The following UNC5D variants were observed in gnomAD, a reference collection of about 807,000 sequenced individuals.
The protein encoded by UNC5D is netrin receptor UNC5D.
In UNC5D, 39 loss-of-function variants were observed where a neutral mutation model predicts 105.4. The observed-to-expected ratio is 0.37, with a 90% CI of 0.29 to 0.48. The LOEUF (loss-of-function observed/expected upper bound fraction) is 0.48, where lower values mean the gene tolerates loss of function less well. Ranked by LOEUF, UNC5D falls within the 20% of genes least tolerant of loss-of-function variation. UNC5D has a pLI of 0.98. For missense variants in UNC5D, 991 were observed against 1,202.4 expected, an observed-to-expected ratio of 0.82 and a Z score of 2.60; for synonymous variants, 452 against 450.4, an observed-to-expected ratio of 1.00 and a Z score of -0.04.
intron 2 of UNC5D, among the ~76,000 whole-genome samples, chr8:35,555,753 A>G (rs559815539): frequency 6.6e-6 from 1 of 151,784 alleles, no homozygotes; most frequent in Non-Finnish European, 1.5e-5. Context: ...TTGAACCCGA[A>G]AGGTAGAGGT....
intron 6 of UNC5D, among the ~76,000 whole-genome samples, chr8:35,685,495 A>G (rs1825947656): frequency 6.6e-6 from 1 of 152,126 alleles, no homozygotes; most frequent in Non-Finnish European, 1.5e-5. Context: ...ACTGGACTAG[A>G]GTCTCATGTC....
intron 1 of UNC5D, among the ~76,000 whole-genome samples, chr8:35,486,847 T>C (rs1810853488): frequency 6.6e-6 from 1 of 152,186 alleles, no homozygotes; most frequent in Non-Finnish European, 1.5e-5. Flanking sequence ...CCTTTTCTTC[T>C]AATGCATCCT....
intron 4 of UNC5D, among the ~76,000 whole-genome samples, chr8:35,632,326 C>A (rs565602231): frequency 3.8e-4 from 58 of 152,326 alleles, no homozygotes; most frequent in Non-Finnish European, 6.9e-4. Context: ...TGATACCCTG[C>A]ATAACCTGGA....
intron 1 of UNC5D, among the ~76,000 whole-genome samples, chr8:35,393,125 CTTTTTTTTTTTTTT>C (rs34886215): frequency 1.3e-5 from 1 of 75,068 alleles, no homozygotes; most frequent in South Asian, 5.5e-4. Flanking sequence ...CCTATTCCTA[CTTTTTTTTTTTTTT>C]TTTTTTTTTT....
At chr8:35,668,468 T>G (rs961993601) in intron 4 of UNC5D, among the ~76,000 whole-genome samples, 2 of 152,056 alleles carry the variant, frequency 1.3e-5, no homozygotes, top group Admixed American at 6.6e-5. Context: ...CTTTTAATAG[T>G]CAGTCTTTAT....
intron 4 of UNC5D, among the ~76,000 whole-genome samples, chr8:35,649,857 G>A (rs1823292695): frequency 6.6e-6 from 1 of 152,138 alleles, no homozygotes; most frequent in African/African-American, 2.4e-5. Context: ...CAGACATAAA[G>A]CAGAAGAGCC....
chr8:35,575,876 C>T lies in UNC5D; in HGVS notation c.466+7635C>T, dbSNP rs117538620. On this transcript the variant is annotated intron_variant, in intron 3 of 16. Transcript: ENST00000404895. ...TCTAGCCAAGTAATCGCATCTAGCCCGGTAAAAAAAAAAATGAGTGTTGAA... is the reference window on the plus strand; with the variant it reads ...TCTAGCCAAGTAATCGCATCTAGCCTGGTAAAAAAAAAAATGAGTGTTGAA... Among the ~76,000 whole-genome samples the T allele has an allele frequency of 2.7e-4, 41 of 151,682 alleles. 1 individual carries two copies. The East Asian group carries it at 6.2e-3, about 23-fold the overall frequency.
chr8:35,708,553 A>C (rs925275792), intron 8 of UNC5D, among the ~76,000 whole-genome samples: 1 of 152,208 alleles, frequency 6.6e-6, no homozygotes, highest in African/African-American at 2.4e-5. Context: ...AATGGCAAAC[A>C]CGCACCCCTA....
At chr8:35,305,380 TG>T (rs1563297354) in intron 1 of UNC5D, among the ~76,000 whole-genome samples, 1 of 151,938 alleles carries the variant, frequency 6.6e-6, no homozygotes, top group African/African-American at 2.4e-5. Flanking sequence ...ATTAAATAGA[TG>T]GGGTTCAAAA....
chr8:35,643,578 C>T (rs1260947645), intron 4 of UNC5D, among the ~76,000 whole-genome samples: 1 of 152,088 alleles, frequency 6.6e-6, no homozygotes, highest in East Asian at 1.9e-4. Flanking sequence ...CAGCGTTCCA[C>T]CATATTAGTC....
chr8:35,734,170 C>T (rs1268922239), intron 11 of UNC5D, among the ~76,000 whole-genome samples: 6 of 151,776 alleles, frequency 4.0e-5, no homozygotes, highest in Non-Finnish European at 8.8e-5. Flanking sequence ...ACACAAAGGC[C>T]ATGGCATGAA....
intron 4 of UNC5D, among the ~76,000 whole-genome samples, chr8:35,599,943 C>T (rs1319451195): frequency 6.6e-6 from 1 of 152,006 alleles, no homozygotes; most frequent in Non-Finnish European, 1.5e-5. Context: ...CTAATACTAT[C>T]CCTCCCTCCT....
chr8:35,542,523 A>G (rs1815353126), intron 1 of UNC5D, among the ~76,000 whole-genome samples: 1 of 152,214 alleles, frequency 6.6e-6, no homozygotes, highest in Admixed American at 6.5e-5. Context: ...GAAATCTCCT[A>G]TGTTTATTAA....
At chr8:35,463,515 T>G (rs572876031) in intron 1 of UNC5D, among the ~76,000 whole-genome samples, 11 of 151,864 alleles carry the variant, frequency 7.2e-5, no homozygotes, top group African/African-American at 2.4e-4. Context: ...CTGTTTCATC[T>G]AAAATGATAA....
intron 4 of UNC5D, among the ~76,000 whole-genome samples, chr8:35,647,967 T>C (rs1303970018): frequency 6.6e-6 from 1 of 152,014 alleles, no homozygotes; most frequent in African/African-American, 2.4e-5. Flanking sequence ...GGATCTAGAG[T>C]TTCAGCAATA....
chr8:35,572,830 GTCTC>G (rs1374541522), intron 3 of UNC5D, among the ~76,000 whole-genome samples: 1 of 146,042 alleles, frequency 6.8e-6, no homozygotes, highest in Non-Finnish European at 1.5e-5. Context: ...TTGAGATGGA[GTCTC>G]TCTCTGTCGC....
intron 1 of UNC5D, among the ~76,000 whole-genome samples, chr8:35,352,267 T>C (rs1812291564): frequency 6.6e-6 from 1 of 152,052 alleles, no homozygotes; most frequent in Non-Finnish European, 1.5e-5. Context: ...TACATATACA[T>C]GTTCACCGAA....
At chr8:35,712,041 G>C (rs1459585071) in intron 8 of UNC5D, among the ~76,000 whole-genome samples, 4 of 152,194 alleles carry the variant, frequency 2.6e-5, no homozygotes, top group Admixed American at 2.6e-4. Context: ...GGGAGGCCAA[G>C]GTGGGTGGAT....
At chr8:35,261,031 T>G (rs1442870955) in intron 1 of UNC5D, among the ~76,000 whole-genome samples, 1 of 152,190 alleles carries the variant, frequency 6.6e-6, no homozygotes, top group African/African-American at 2.4e-5. Context: ...ATTTTTTTCT[T>G]AAGCAGCCTT....
Sources: allele counts gnomAD v4.1 joint callset (sites outside exome capture counted in the v4.1 genomes callset), GRCh38; gene constraint gnomAD v4.1.1; transcripts MANE v1.5; gene names NCBI Gene and HGNC (gene_info 2026-07-23, HGNC 2026-07-21).